The following SELP variants were observed in gnomAD, a reference collection of about 807,000 sequenced individuals.
SELP encodes the protein selectin P, also known as P-selectin.
In SELP, 92 loss-of-function variants were observed where a neutral mutation model predicts 104.1. The observed-to-expected ratio is 0.88, with a 90% CI of 0.75 to 1.05. The LOEUF is 1.05. Ranked by LOEUF, SELP falls within the 50% of genes least tolerant of loss-of-function variation. The probability of loss-of-function intolerance (pLI) is 0.00; values close to 1 mark genes in which losing one functional copy is unlikely to be tolerated. For synonymous variants in SELP, 397 were observed against 364.5 expected, an observed-to-expected ratio of 1.09 and a Z score of -1.01; for missense variants, 1,022 against 1,017.3, an observed-to-expected ratio of 1.00 and a Z score of -0.06.
intron 7 of SELP, among the ~76,000 whole-genome samples, chr1:169,609,924 C>T (rs1035276380): frequency 6.6e-6 from 1 of 152,094 alleles, no homozygotes; most frequent in Non-Finnish European, 1.5e-5. Context: ...CTTAGGAAGC[C>T]CTCCCTTCCC....
At chr1:169,590,296 C>T in intron 15 of SELP, 94 bp from the exon 16 acceptor site, 2 of 888,948 alleles carry the variant, frequency 2.2e-6, no homozygotes, top group South Asian at 1.5e-5. Flanking sequence ...CACAAATTAC[C>T]ATCCACCCTT....
chr1:169,593,770 T>A, intron 13 of SELP, 46 bp from the exon 14 acceptor site: 1 of 1,600,798 alleles, frequency 6.2e-7, no homozygotes, highest in Non-Finnish European at 8.5e-7. Flanking sequence ...AAGTGTATTA[T>A]GCAAAAGACT....
chr1:169,613,075 A>G lies in SELP; in HGVS notation c.629T>C (p.Leu210Pro). 6.2e-7 allele frequency: 1 copy of G among 1,613,206 alleles called. No homozygotes were observed. The highest frequency in any genetic ancestry group is 1.3e-5 in the African/African-American group (1 of 75,026). Residue 210 changes from leucine to proline, a missense_variant, in exon 5 of 17, where the codon CTC (leucine) becomes CCC (proline). Physicochemically the swap from Leu to Pro is moderately conservative, Grantham distance 98. Coordinates refer to ENST00000263686, the MANE Select transcript of SELP (RefSeq NM_003005.4). ...CGELELPQHVLMNCSHPLGNF... is the reference protein window; with the variant it reads ...CGELELPQHVPMNCSHPLGNF... ...TCCCAGAGGGTGGCTGCAGTTCATG[A>G]GCACGTGTTGAGGGAGCTCAAGTTC... is the stretch of plus-strand genomic sequence containing the variant.
In SELP at chr1:169,599,819, G is replaced by A. The variant is rs541847555; in HGVS notation, c.1706-2643C>T. Among the ~76,000 whole-genome samples, 3 of 152,266 alleles carry A rather than the reference G, an allele frequency of 2.0e-5. No homozygotes were observed. In the East Asian group the frequency reaches 5.8e-4, roughly 29 times the overall value. ...GCACCAGTTCACCATATTTTAGGAC[G>A]TGAGTAAGCAGGCACATGGCAGAAG... On this transcript the variant is annotated intron_variant, in intron 10 of 16. Transcript: ENST00000263686.
intron 3 of SELP, among the ~76,000 whole-genome samples, chr1:169,615,892 G>T (rs919220673): frequency 1.3e-5 from 2 of 152,100 alleles, no homozygotes; most frequent in African/African-American, 4.8e-5. Flanking sequence ...AAAATCTAAA[G>T]AATTCAGAAT....
chr1:169,611,736 G>T (rs201019811), intron 6 of SELP, 59 bp from the exon 7 acceptor site: 34 of 1,078,896 alleles, frequency 3.2e-5, no homozygotes, highest in Middle Eastern at 2.6e-4. Context: ...AAGCCACACA[G>T]AGAGCAATGG....
rs1661450145 is a variant in SELP at position 169,593,662 on chromosome 1, C to CTA, written c.2348_2349dup (p.Gly784Ter). 2.5e-6 allele frequency: 4 copies of CTA among 1,613,474 alleles called. No individual in the cohort carries two copies. The highest frequency in any genetic ancestry group is 3.4e-6 in the Non-Finnish European group (4 of 1,179,570). ...AGGAGCGTCCCACCCATTATCAGAC[C>CTA]TATCGTAGAAGCCACCGCTCCACCA... is the stretch of plus-strand genomic sequence containing the variant. On this transcript the variant is annotated frameshift_variant, in exon 14 of 17. Coordinates refer to ENST00000263686, the MANE Select transcript of SELP (RefSeq NM_003005.4). LOFTEE classifies it high-confidence loss of function.
chr1:169,610,233 C>A (rs1662450586), intron 7 of SELP, among the ~76,000 whole-genome samples: 1 of 151,606 alleles, frequency 6.6e-6, no homozygotes, highest in Non-Finnish European at 1.5e-5. Flanking sequence ...GTTACCTAGT[C>A]CTGTAAAATG....
chr1:169,597,531 A>T (rs768335309), intron 10 of SELP, among the ~76,000 whole-genome samples: 1 of 152,122 alleles, frequency 6.6e-6, no homozygotes, highest in African/African-American at 2.4e-5. Flanking sequence ...AATGGGTGCA[A>T]TCCAGGATTT....
rs778797710 is a variant in SELP at position 169,613,693 on chromosome 1, G to A, written c.482C>T (p.Ala161Val). 1.9e-6 allele frequency: 3 copies of A among 1,613,310 alleles called. No individual in the cohort carries two copies. The highest frequency in any genetic ancestry group is 1.3e-5 in the African/African-American group (1 of 75,036). Residue 161 changes from alanine to valine, a missense_variant and splice_region_variant, in exon 4 of 17, where the codon GCC (alanine) becomes GTC (valine). Physicochemically the swap from Ala to Val is moderately conservative, Grantham distance 64 (BLOSUM62 0). Coordinates refer to ENST00000263686, the MANE Select transcript of SELP (RefSeq NM_003005.4). ...GCTGCAGGACATGTCCTGGCAGGAG[G>A]CTGCATAGATATGGAAAGGTCAGAG... Reference protein sequence around the residue: ...LKKKHALCYTASCQDMSCSKQ... With the variant: ...LKKKHALCYTVSCQDMSCSKQ...
intron 1 of SELP, among the ~76,000 whole-genome samples, chr1:169,623,560 A>T (rs1334334367): frequency 6.6e-6 from 1 of 152,224 alleles, no homozygotes; most frequent in East Asian, 1.9e-4. Context: ...AGAGAGCGAG[A>T]CAACTTGTTT....
chr1:169,620,947 TTCTGTG>T (rs1663080810), intron 1 of SELP, among the ~76,000 whole-genome samples: 2 of 71,454 alleles, frequency 2.8e-5, no homozygotes, highest in African/African-American at 6.3e-5. Context: ...CAGTGTGGGG[TTCTGTG>T]TGTGTGTGTG....
chr1:169,594,584 A>C, intron 13 of SELP, 108 bp downstream of exon 13: 31 of 997,408 alleles, frequency 3.1e-5, no homozygotes, highest in Non-Finnish European at 4.2e-5. Flanking sequence ...AGCAGGGGGA[A>C]ACCCGGGGAT....
rs1489051676 is a variant in SELP at position 169,614,880 on chromosome 1, G to T, written c.482-1187C>A. 2.6e-5 allele frequency among the ~76,000 whole-genome samples: 4 copies of T among 152,186 alleles called. No individual in the cohort carries two copies. The South Asian group carries it at 8.3e-4, about 32-fold the overall frequency. ...GTTTGGTCCACATCCTATTCACTTC[G>T]CTCCCTGACCTTAACCCCACCAATG... On this transcript the variant is annotated intron_variant, in intron 3 of 16. Transcript: ENST00000263686.
chr1:169,616,875 G>T (rs78272621), intron 3 of SELP, among the ~76,000 whole-genome samples, 153 bp downstream of exon 3: 1 of 151,814 alleles, frequency 6.6e-6, no homozygotes, highest in Non-Finnish European at 1.5e-5. Context: ...ATTCTTCAAG[G>T]TGCTCAATAA....
rs780209297 is a variant in SELP, at chr1:169,609,633, A to G, written c.1204T>C (p.Ser402Pro). The change falls in exon 8 of 17, where the codon TCC becomes CCC. Residue 402 changes from serine to proline, a missense_variant. Ser to Pro is a moderately conservative substitution (Grantham distance 74). Coordinates refer to ENST00000263686, the MANE Select transcript of SELP (RefSeq NM_003005.4). Reference protein sequence around the residue: ...PVHGSMDCSPSLRAFQYDTNC... With the variant: ...PVHGSMDCSPPLRAFQYDTNC... ...GTGTCATACTGAAACGCTCTCAAGG[A>G]TGGAGAGCAATCCATGCTTCCGTGG... 1.2e-6 allele frequency: 2 copies of G among 1,614,026 alleles called. No individual in the cohort carries two copies. Among genetic ancestry groups the G allele is most frequent in the Non-Finnish European group, 1.7e-6 (2 of 1,179,950 alleles).
At chr1:169,592,331 A>G (rs1661391668) in intron 14 of SELP, among the ~76,000 whole-genome samples, 1 of 152,232 alleles carries the variant, frequency 6.6e-6, no homozygotes, top group Non-Finnish European at 1.5e-5. Flanking sequence ...GAGAAAGAAT[A>G]AGAGTAAGGA....
Position 169,590,183 on chromosome 1 carries a change from C to T in SELP, c.2458G>A (p.Val820Ile). ...NPHSHLGTYG[V>I]FTNAAFDPSP ...GGGTCAAATGCAGCGTTTGTAAAAA[C>T]TCCATATGTTCCTAGGTGGCTAAAG... The change falls in exon 16 of 17, where the codon GTT becomes ATT. Residue 820 changes from valine (V) to isoleucine (I), a missense_variant. Physicochemically the swap from Val to Ile is conservative, Grantham distance 29. Coordinates refer to ENST00000263686, the MANE Select transcript of SELP (RefSeq NM_003005.4). The T allele has an allele frequency of 6.2e-7, 1 of 1,613,332 alleles. No homozygotes were observed. Among genetic ancestry groups the T allele is most frequent in the Non-Finnish European group, 8.5e-7 (1 of 1,179,298 alleles).
chr1:169,601,421 G>T (rs1184575647), intron 10 of SELP, among the ~76,000 whole-genome samples: 1 of 152,234 alleles, frequency 6.6e-6, no homozygotes, highest in Non-Finnish European at 1.5e-5. Flanking sequence ...ATGACTTGGA[G>T]AGAGAGCAAT....
Sources: allele counts gnomAD v4.1 joint callset (sites outside exome capture counted in the v4.1 genomes callset), GRCh38; gene constraint gnomAD v4.1.1; transcripts MANE v1.5; gene names NCBI Gene and HGNC (gene_info 2026-07-23, HGNC 2026-07-21).